Variants in ADAM10 observed in about 807,000 individuals in gnomAD.
ADAM10 encodes the protein disintegrin and metalloproteinase domain-containing protein 10.
ADAM10 carries 17 observed loss-of-function variants against 90.1 expected under a neutral mutation model. That is an observed-to-expected ratio of 0.19 (90% confidence interval 0.13 to 0.28). The LOEUF is 0.28. ADAM10 is among the 10% of genes least tolerant of loss of function. The pLI is 1.00. For missense variants in ADAM10, 610 were observed against 914.3 expected, an observed-to-expected ratio of 0.67 and a Z score of 4.29; for synonymous variants, 310 against 298.6, an observed-to-expected ratio of 1.04 and a Z score of -0.40.
In ADAM10 at chr15:58,634,935, C is replaced by T. The variant is rs568667376; in HGVS notation, c.1013-1576G>A. On this transcript the variant is annotated intron_variant, in intron 8 of 15. Transcript: ENST00000260408. ...CAGAAGGCAATTCAAAATAGGTCTG[C>T]AAGAACAGCATTATACTACGACTGT... 3.9e-5 allele frequency among the ~76,000 whole-genome samples: 6 copies of T among 152,176 alleles called. No individual in the cohort carries two copies. The South Asian group carries it at 1.2e-3, about 32-fold the overall frequency.
At chr15:58,642,432 TCCAG>T (rs1896439693) in intron 7 of ADAM10, among the ~76,000 whole-genome samples, 2 of 151,030 alleles carry the variant, frequency 1.3e-5, no homozygotes, top group Admixed American at 1.3e-4. Flanking sequence ...GCCACTGAAC[TCCAG>T]CCTGGGCGAC....
At chr15:58,713,087 T>G (rs1403545538) in intron 2 of ADAM10, among the ~76,000 whole-genome samples, 7 of 152,250 alleles carry the variant, frequency 4.6e-5, no homozygotes, top group African/African-American at 1.7e-4. Flanking sequence ...TCTATGTACT[T>G]AAATGTTTTG....
chr15:58,637,243 T>A (rs7178954), intron 8 of ADAM10, among the ~76,000 whole-genome samples: 30,667 of 152,120 alleles, frequency 0.2, 3,526 homozygotes, highest in East Asian at 0.4. Context: ...CCTCAAAAGA[T>A]GTTCTTCACA....
chr15:58,681,463 A>G (rs1278861672), intron 3 of ADAM10, among the ~76,000 whole-genome samples: 2 of 152,184 alleles, frequency 1.3e-5, no homozygotes, highest in Non-Finnish European at 2.9e-5. Flanking sequence ...AGTAGAAATC[A>G]CTCGTGTAGA....
At chr15:58,703,609 A>G (rs1207607590) in intron 2 of ADAM10, among the ~76,000 whole-genome samples, 3 of 152,210 alleles carry the variant, frequency 2.0e-5, no homozygotes, top group Admixed American at 1.3e-4. Flanking sequence ...TCAGTGAAAT[A>G]ACTCAGACAT....
intron 8 of ADAM10, among the ~76,000 whole-genome samples, chr15:58,639,788 T>C (rs1402010543): frequency 6.6e-6 from 1 of 151,554 alleles, no homozygotes; most frequent in East Asian, 1.9e-4. Flanking sequence ...CAAAGGAAAA[T>C]ACAGCACTAC....
chr15:58,623,800 C>G (rs1472905639), intron 10 of ADAM10, among the ~76,000 whole-genome samples: 1 of 151,946 alleles, frequency 6.6e-6, no homozygotes. Flanking sequence ...ACAACACACA[C>G]CAGGGCCAGT....
At chr15:58,710,712 T>A (rs1464260395) in intron 2 of ADAM10, among the ~76,000 whole-genome samples, 2 of 152,174 alleles carry the variant, frequency 1.3e-5, no homozygotes, top group African/African-American at 2.4e-5. Flanking sequence ...TTAACTACCA[T>A]CAGTATTTTT....
At chr15:58,627,926 A>G in intron 9 of ADAM10, 43 bp from the exon 10 acceptor site, 2 of 1,593,502 alleles carry the variant, frequency 1.3e-6, no homozygotes, top group Non-Finnish European at 1.7e-6. Context: ...GAAGTAAAAT[A>G]AGGTTTTCAG....
intron 2 of ADAM10, among the ~76,000 whole-genome samples, chr15:58,695,552 T>G (rs188736461): frequency 6.6e-6 from 1 of 151,952 alleles, no homozygotes; most frequent in African/African-American, 2.4e-5. Context: ...TTCAGCAAAA[T>G]TGCACCCTGA....
At chr15:58,633,070 G>A (rs1896146551) in intron 9 of ADAM10, 126 bp downstream of exon 9, 1 of 898,586 alleles carries the variant, frequency 1.1e-6, no homozygotes, top group South Asian at 1.6e-5. Context: ...ATACATTACT[G>A]TGCTCTGACA....
At chr15:58,718,289 T>C (rs1347396592) in intron 1 of ADAM10, among the ~76,000 whole-genome samples, 1 of 152,208 alleles carries the variant, frequency 6.6e-6, no homozygotes, top group African/African-American at 2.4e-5. Flanking sequence ...TATGGTGAAT[T>C]AAATTTTACT....
intron 1 of ADAM10, among the ~76,000 whole-genome samples, chr15:58,726,282 A>G (rs1387919552): frequency 6.6e-6 from 1 of 152,202 alleles, no homozygotes; most frequent in African/African-American, 2.4e-5. Flanking sequence ...CATAAAGCCA[A>G]TAGCAGAGAT....
At chr15:58,637,425 A>G (rs1896289728) in intron 8 of ADAM10, among the ~76,000 whole-genome samples, 1 of 152,218 alleles carries the variant, frequency 6.6e-6, no homozygotes, top group Admixed American at 6.5e-5. Flanking sequence ...CAATGAAAAA[A>G]CAGCCAGAAG....
At position 58,596,422 on chromosome 15, in the gene ADAM10, G is replaced by T. The variant is rs1182893316; in HGVS notation, c.*1125C>A. On this transcript the variant is annotated 3_prime_UTR_variant, in exon 16 of 16. Transcript: ENST00000260408. ...AATTTTAGGAAAAAAAATGTCAGAA[G>T]GCCTATCTACAATTTTAACTACTAC... is the stretch of plus-strand genomic sequence containing the variant. The T allele has an allele frequency of 6.6e-6, 1 of 152,508 alleles. No homozygotes were observed. The highest frequency in any genetic ancestry group is 1.5e-5 in the Non-Finnish European group (1 of 68,012). The allele number at this position is 152,508 out of a possible 1,614,324, so 9.4% of individuals were successfully genotyped here.
chr15:58,735,026 T>C (rs895799254), intron 1 of ADAM10, among the ~76,000 whole-genome samples: 23 of 152,298 alleles, frequency 1.5e-4, no homozygotes, highest in African/African-American at 4.6e-4. Context: ...CTGAGATTTA[T>C]TTCTAAACTT....
intron 2 of ADAM10, among the ~76,000 whole-genome samples, chr15:58,713,425 C>T (rs1353523654): frequency 7.2e-5 from 11 of 152,062 alleles, no homozygotes; most frequent in African/African-American, 2.7e-4. Flanking sequence ...CTCAATATAA[C>T]TAAAATGACC....
intron 15 of ADAM10, 94 bp from the exon 16 acceptor site, chr15:58,597,735 G>A: frequency 7.3e-7 from 1 of 1,374,146 alleles, no homozygotes. Flanking sequence ...AAAGGTTTTA[G>A]TTCAGTGCTG....
intron 5 of ADAM10, among the ~76,000 whole-genome samples, chr15:58,657,123 T>C (rs1596036305): frequency 6.6e-6 from 1 of 152,364 alleles, no homozygotes; most frequent in East Asian, 1.9e-4. Flanking sequence ...TAGGATCTTT[T>C]CTTTATGGCC....
Sources: allele counts gnomAD v4.1 joint callset (sites outside exome capture counted in the v4.1 genomes callset), GRCh38; gene constraint gnomAD v4.1.1; transcripts MANE v1.5; gene names NCBI Gene and HGNC (gene_info 2026-07-23, HGNC 2026-07-21).